The following CEP290 variants were observed in gnomAD, a reference collection of about 807,000 sequenced individuals.
The protein encoded by CEP290 is centrosomal protein 290.
A neutral mutation model predicts 344.9 loss-of-function variants in CEP290; 317 were observed. That is an observed-to-expected ratio of 0.92 (90% CI 0.84 to 1.01). The LOEUF is 1.01. Ranked by LOEUF, CEP290 falls within the 50% of genes least tolerant of loss-of-function variation. The pLI, the probability that CEP290 is intolerant of heterozygous loss-of-function variation, is 0.00. For missense variants in CEP290, 2,754 were observed against 2,761.4 expected, an observed-to-expected ratio of 1.00 and a Z score of 0.06; for synonymous variants, 932 against 895.8, an observed-to-expected ratio of 1.04 and a Z score of -0.72.
In CEP290 at chr12:88,080,416, T is replaced by C. The variant is rs368215443; in HGVS notation, c.5013-21A>G. The C allele has an allele frequency of 1.1e-3, 1,660 of 1,539,108 alleles. 3 individuals carry two copies. Among genetic ancestry groups the C allele is most frequent in the South Asian group, 1.6e-3 (136 of 84,250 alleles). On this transcript the variant is annotated intron_variant, in intron 37 of 53. Coordinates refer to ENST00000552810, the MANE Select transcript of CEP290 (RefSeq NM_025114.4). ...GAAGCCTGATGTAAATAAACATATG[T>C]GTGTGTGTGTTTTTTAATTTTTAAT... is the stretch of plus-strand genomic sequence containing the variant.
rs994843668 is a variant in CEP290, at chr12:88,117,150, A to G, written c.1712-5T>C. 3.0e-6 allele frequency: 4 copies of G among 1,349,498 alleles called. No individual in the cohort carries two copies. The highest frequency in any genetic ancestry group is 1.5e-5 in the African/African-American group (1 of 67,942). 83.6% of individuals were successfully genotyped at this position (1,349,498 alleles called of 1,614,324 possible). On this transcript the variant is annotated splice_polypyrimidine_tract_variant and splice_region_variant and intron_variant, in intron 17 of 53. Coordinates refer to ENST00000552810, the MANE Select transcript of CEP290 (RefSeq NM_025114.4). ...TCAGGTCCTCAGTGGTTAATCCTAT[A>G]TATAAGAGAATTAACAAACTAAAAA...
intron 17 of CEP290, among the ~76,000 whole-genome samples, chr12:88,118,100 T>C (rs1407724176): frequency 6.6e-6 from 1 of 151,640 alleles, no homozygotes; most frequent in Non-Finnish European, 1.5e-5. Flanking sequence ...TGCATAGTCC[T>C]TAAGGAAAGG....
chr12:88,051,194 C>CTTTTT (rs11321423), intron 52 of CEP290, among the ~76,000 whole-genome samples: 2 of 86,430 alleles, frequency 2.3e-5, no homozygotes, highest in African/African-American at 7.9e-5. Context: ...GGACAAGTAT[C>CTTTTT]TTTTTTTTTT....
intron 10 of CEP290, 102 bp from the exon 11 acceptor site, chr12:88,129,137 T>C: frequency 2.1e-6 from 1 of 475,042 alleles, no homozygotes; most frequent in Non-Finnish European, 3.3e-6. Context: ...TATATCTACA[T>C]ACACACACAT....
intron 49 of CEP290, among the ~76,000 whole-genome samples, chr12:88,057,094 T>G (rs1319786223): frequency 6.6e-6 from 1 of 152,172 alleles, no homozygotes; most frequent in Non-Finnish European, 1.5e-5. Context: ...CATCTTCAAT[T>G]ATGGTTAAAT....
intron 20 of CEP290, among the ~76,000 whole-genome samples, chr12:88,112,357 C>A (rs903946637): frequency 2.6e-5 from 4 of 152,016 alleles, no homozygotes; most frequent in African/African-American, 9.7e-5. Flanking sequence ...AACAATTGAT[C>A]AATACAACAT....
At chr12:88,105,001 T>C (rs907946308) in intron 25 of CEP290, among the ~76,000 whole-genome samples, 2 of 152,158 alleles carry the variant, frequency 1.3e-5, no homozygotes, top group Non-Finnish European at 2.9e-5. Flanking sequence ...TACATATTTT[T>C]CTAACTTGTC....
At position 88,083,160 on chromosome 12, in the gene CEP290, T is replaced by C; in HGVS notation, c.4883A>G (p.Gln1628Arg). The change falls in exon 37 of 54, where the codon CAG becomes CGG. Residue 1628 changes from glutamine to arginine, a missense_variant. Coordinates refer to ENST00000552810, the MANE Select transcript of CEP290 (RefSeq NM_025114.4). ...AGAGTCATCTTGTTCTGCTACTGTC[T>C]GTTCCATCTCAGCCAGACGAATAAA... ...KHFIRLAEMEQTVAEQDDSLS... is the reference protein window; with the variant it reads ...KHFIRLAEMERTVAEQDDSLS... The C allele has an allele frequency of 6.4e-7, 1 of 1,554,082 alleles. No individual in the cohort carries two copies. The highest frequency in any genetic ancestry group is 8.7e-7 in the Non-Finnish European group (1 of 1,150,178).
At chr12:88,113,782 C>T (rs1422692247) in intron 20 of CEP290, among the ~76,000 whole-genome samples, 1 of 151,374 alleles carries the variant, frequency 6.6e-6, no homozygotes, top group Non-Finnish European at 1.5e-5. Flanking sequence ...TTTCTTGTAG[C>T]AATGAGTAAA....
intron 43 of CEP290, among the ~76,000 whole-genome samples, chr12:88,070,140 G>C (rs931813361): frequency 6.6e-6 from 1 of 152,128 alleles, no homozygotes; most frequent in Non-Finnish European, 1.5e-5. Context: ...AATGACATGG[G>C]GTGATGCAGG....
In CEP290 at chr12:88,049,495, T is replaced by C. The variant is rs914178008; in HGVS notation, c.7210-81A>G. The C allele has an allele frequency of 2.2e-5, 17 of 759,714 alleles. No individual in the cohort carries two copies. The African/African-American group carries it at 3.0e-4, about 14-fold the overall frequency. 47.1% of individuals were successfully genotyped at this position (759,714 alleles called of 1,614,324 possible). ...TTGAACAAGGAGATTTAATTGTAAATATGAAAGCCAAAGTATTCCTGAATG... is the reference window on the plus strand; with the variant it reads ...TTGAACAAGGAGATTTAATTGTAAACATGAAAGCCAAAGTATTCCTGAATG... On this transcript the variant is annotated intron_variant, in intron 53 of 53. Coordinates refer to ENST00000552810, the MANE Select transcript of CEP290 (RefSeq NM_025114.4).
chr12:88,077,951 A>T, intron 39 of CEP290, 33 bp from the exon 40 acceptor site: 1 of 911,502 alleles, frequency 1.1e-6, no homozygotes, highest in South Asian at 1.7e-5. Context: ...ATTATTCATG[A>T]CTCTTCAAGA....
chr12:88,101,571 T>C (rs533711982), intron 26 of CEP290, among the ~76,000 whole-genome samples: 4 of 149,958 alleles, frequency 2.7e-5, no homozygotes, highest in South Asian at 4.2e-4. Context: ...GAGAACTGCT[T>C]GAATCTGGGA....
At chr12:88,075,207 G>A (rs1338602047) in intron 41 of CEP290, among the ~76,000 whole-genome samples, 1 of 152,064 alleles carries the variant, frequency 6.6e-6, no homozygotes, top group Non-Finnish European at 1.5e-5. Flanking sequence ...ATATTCTGGG[G>A]GTCACAGAAG....
chr12:88,105,926 C>CA (rs113528166), intron 25 of CEP290, among the ~76,000 whole-genome samples: 131 of 141,412 alleles, frequency 9.3e-4, no homozygotes, highest in Admixed American at 2.8e-3. Context: ...AACAAACAAA[C>CA]AAAAAAAAAA....
chr12:88,082,485 G>A (rs763714592), intron 37 of CEP290, among the ~76,000 whole-genome samples: 7 of 152,096 alleles, frequency 4.6e-5, no homozygotes, highest in South Asian at 2.1e-4. Context: ...TTGAGCTCAC[G>A]AGTTCAAGAC....
At chr12:88,052,230 C>T (rs2136598631) in intron 52 of CEP290, among the ~76,000 whole-genome samples, 1 of 152,206 alleles carries the variant, frequency 6.6e-6, no homozygotes, top group East Asian at 1.9e-4. Flanking sequence ...TGGTATAATC[C>T]TTTGGAGAGA....
intron 44 of CEP290, 92 bp downstream of exon 44, chr12:88,068,430 A>G (rs2035104045): frequency 4.7e-6 from 4 of 844,118 alleles, no homozygotes; most frequent in Non-Finnish European, 3.4e-6. Context: ...GAAAGATGTA[A>G]TGCTTTTGGC....
chr12:88,102,655 G>A (rs1256410432), intron 26 of CEP290, among the ~76,000 whole-genome samples, 183 bp downstream of exon 26: 3 of 152,082 alleles, frequency 2.0e-5, no homozygotes, highest in Non-Finnish European at 4.4e-5. Context: ...GTGTGTGTGT[G>A]TGTGTTATGT....
Sources: gnomAD v4.1 joint callset for allele counts (sites outside exome capture counted in the v4.1 genomes callset) on GRCh38, gnomAD v4.1.1 for gene constraint, MANE v1.5 for transcripts, NCBI Gene and HGNC (gene_info 2026-07-23, HGNC 2026-07-21) for gene names.